CNTLN: variants seen among roughly 807,000 people sequenced by gnomAD.
CNTLN encodes centlein, also known as centlein, centrosomal protein.
CNTLN carries 212 observed loss-of-function variants against 180.0 expected under a neutral mutation model. That is an observed-to-expected ratio of 1.18 (90% CI 1.05 to 1.32). The LOEUF is 1.32. Ranked by LOEUF, CNTLN falls within the 40% of genes most tolerant of loss-of-function variation. The pLI is 0.00. For missense variants in CNTLN, 2,095 were observed against 1,610.9 expected, an observed-to-expected ratio of 1.30 and a Z score of -5.14; for synonymous variants, 722 against 563.1, an observed-to-expected ratio of 1.28 and a Z score of -3.99.
At chr9:17,501,636 G>A (rs543479483) in intron 25 of CNTLN, among the ~76,000 whole-genome samples, 13 of 152,342 alleles carry the variant, frequency 8.5e-5, no homozygotes, top group African/African-American at 3.1e-4. Flanking sequence ...GCCCTGCAGG[G>A]AAGGGGGCTG....
intron 3 of CNTLN, among the ~76,000 whole-genome samples, chr9:17,230,885 C>G (rs1343756549): frequency 1.3e-5 from 2 of 152,020 alleles, no homozygotes; most frequent in Non-Finnish European, 2.9e-5. Context: ...TTTAAACTCT[C>G]AGACTTGTCC....
chr9:17,527,753 G>A, the CNTLN span, among the ~76,000 whole-genome samples: 2 of 152,064 alleles, frequency 1.3e-5, no homozygotes, highest in Non-Finnish European at 2.9e-5. Flanking sequence ...GGGAGAAATG[G>A]CTGATTCTGG....
intron 5 of CNTLN, among the ~76,000 whole-genome samples, chr9:17,272,678 C>T (rs548217135): frequency 6.6e-6 from 1 of 152,226 alleles, no homozygotes; most frequent in South Asian, 2.1e-4. Flanking sequence ...TTCTGTGTCT[C>T]CAGACCATAG....
At position 17,179,016 on chromosome 9, in the gene CNTLN, G is replaced by A. The variant is rs551577316; in HGVS notation, c.449+35640G>A. On this transcript the variant is annotated intron_variant, in intron 2 of 25. Transcript: ENST00000380647. ...TCCCAGCACTTTGGGAGGCCGAGGC[G>A]GGCGGATCACGAGGTCAGGAGATCG... Among the ~76,000 whole-genome samples the A allele has an allele frequency of 5.5e-5, 8 of 146,256 alleles. 1 individual carries two copies. In the South Asian group the frequency reaches 6.3e-4, roughly 11 times the overall value.
chr9:17,339,180 A>G (rs1821282771), intron 10 of CNTLN, among the ~76,000 whole-genome samples: 1 of 152,208 alleles, frequency 6.6e-6, no homozygotes, highest in Non-Finnish European at 1.5e-5. Context: ...CTTAATAACT[A>G]CTTAAGAGAA....
chr9:17,250,902 C>G (rs1826098442), intron 5 of CNTLN, among the ~76,000 whole-genome samples: 1 of 151,988 alleles, frequency 6.6e-6, no homozygotes, highest in African/African-American at 2.4e-5. Flanking sequence ...TCATTTCAAT[C>G]TGAAGGATTC....
intron 18 of CNTLN, among the ~76,000 whole-genome samples, chr9:17,424,158 A>G (rs1211108640): frequency 6.6e-6 from 1 of 152,148 alleles, no homozygotes; most frequent in African/African-American, 2.4e-5. Context: ...TATTTAAGGT[A>G]AATTTTCTTA....
At chr9:17,316,131 T>A (rs1344966796) in intron 8 of CNTLN, among the ~76,000 whole-genome samples, 1 of 152,028 alleles carries the variant, frequency 6.6e-6, no homozygotes, top group Non-Finnish European at 1.5e-5. Context: ...GTTAAGTGCA[T>A]GTATTTTTAT....
At chr9:17,376,553 G>A (rs1454882968) in intron 13 of CNTLN, among the ~76,000 whole-genome samples, 6 of 151,664 alleles carry the variant, frequency 4.0e-5, no homozygotes, top group Admixed American at 3.3e-4. Flanking sequence ...CCGGGTTCAC[G>A]CCGTTCTCCT....
chr9:17,375,840 T>C (rs1160502707), intron 13 of CNTLN, among the ~76,000 whole-genome samples: 1 of 152,170 alleles, frequency 6.6e-6, no homozygotes, highest in Non-Finnish European at 1.5e-5. Flanking sequence ...AAGAGGATTA[T>C]CTCTTTATTA....
chr9:17,505,222 A>G (rs750190866), downstream of CNTLN, among the ~76,000 whole-genome samples: 36 of 152,142 alleles, frequency 2.4e-4, no homozygotes, highest in Non-Finnish European at 4.0e-4. Context: ...CTAACATTGT[A>G]TGTAATGATG....
At chr9:17,422,134 G>C (rs760757991) in intron 18 of CNTLN, among the ~76,000 whole-genome samples, 3 of 152,080 alleles carry the variant, frequency 2.0e-5, no homozygotes, top group Admixed American at 6.6e-5. Context: ...TTTCATATTA[G>C]TGTTTGAAGG....
chr9:17,478,739 G>A (rs1030927260), intron 23 of CNTLN, among the ~76,000 whole-genome samples: 17 of 152,018 alleles, frequency 1.1e-4, no homozygotes, highest in Non-Finnish European at 2.5e-4. Context: ...ATCATTTACT[G>A]GAGAGACTGT....
chr9:17,211,105 G>T (rs541240323), intron 2 of CNTLN, among the ~76,000 whole-genome samples: 2 of 152,204 alleles, frequency 1.3e-5, no homozygotes, highest in South Asian at 2.1e-4. Context: ...ATTGCTTTTG[G>T]TGTTTTAGAC....
At chr9:17,387,250 C>T (rs75680780) in intron 13 of CNTLN, among the ~76,000 whole-genome samples, 1 of 152,024 alleles carries the variant, frequency 6.6e-6, no homozygotes, top group African/African-American at 2.4e-5. Flanking sequence ...CCTACAGCAG[C>T]CAAGCATACT....
At chr9:17,213,630 T>C (rs1485753012) in intron 2 of CNTLN, among the ~76,000 whole-genome samples, 3 of 152,170 alleles carry the variant, frequency 2.0e-5, no homozygotes, top group Admixed American at 6.5e-5. Flanking sequence ...TCTGACTCGT[T>C]GGTCTGTCTA....
At chr9:17,144,818 T>C in intron 2 of CNTLN, among the ~76,000 whole-genome samples, 1 of 148,562 alleles carries the variant, frequency 6.7e-6, no homozygotes, top group Admixed American at 6.7e-5. Flanking sequence ...TATTTATTTA[T>C]TTTATTTTAT....
chr9:17,398,079 C>G (rs1316033918), intron 15 of CNTLN, among the ~76,000 whole-genome samples: 2 of 152,008 alleles, frequency 1.3e-5, no homozygotes, highest in Non-Finnish European at 2.9e-5. Flanking sequence ...TTATCACCTT[C>G]TCAGTATTTA....
chr9:17,312,364 T>TAA lies in CNTLN; in HGVS notation c.1341+3112_1341+3113insAA, dbSNP rs369729227. Among the ~76,000 whole-genome samples the TAA allele has an allele frequency of 7.9e-4, 16 of 20,182 alleles. 2 individuals are homozygous for TAA. Among genetic ancestry groups the TAA allele is most frequent in the South Asian group, 4.3e-3 (3 of 694 alleles). 13.2% of individuals were successfully genotyped at this position (20,182 alleles called of 152,430 possible). Reference sequence around the variant, plus strand: ...GTATTTATATATATATATATATATATTATATATATATATATATATAATTTA... The same window carrying TAA: ...GTATTTATATATATATATATATATATAATATATATATATATATATATAATTTA... On this transcript the variant is annotated intron_variant, in intron 8 of 25. Coordinates refer to ENST00000380647, the MANE Select transcript of CNTLN (RefSeq NM_017738.4).
Sources: gnomAD v4.1 joint callset for allele counts (sites outside exome capture counted in the v4.1 genomes callset) on GRCh38, gnomAD v4.1.1 for gene constraint, MANE v1.5 for transcripts, NCBI Gene and HGNC (gene_info 2026-07-23, HGNC 2026-07-21) for gene names.